The following MEI4 variants were observed in gnomAD, a reference collection of about 807,000 sequenced individuals.
The protein encoded by MEI4 is meiotic double-stranded break formation protein 4.
In MEI4, 27 loss-of-function variants were observed where a neutral mutation model predicts 31.4. That is an observed-to-expected ratio of 0.86 (90% CI 0.63 to 1.19). The LOEUF is 1.19. Among genes scored for constraint, MEI4 ranks in the 50% most tolerant of loss-of-function variants. The pLI, the probability that MEI4 is intolerant of heterozygous loss-of-function variation, is 0.00. For synonymous variants in MEI4, 122 were observed against 145.4 expected, an observed-to-expected ratio of 0.84 and a Z score of 1.16; for missense variants, 329 against 398.9, an observed-to-expected ratio of 0.82 and a Z score of 1.49.
rs114328354 is a variant in MEI4, at chr6:77,836,962, T to C, written c.900+7900T>C. Among the ~76,000 whole-genome samples the C allele has an allele frequency of 9.6e-3, 1,458 of 152,254 alleles. 18 individuals are homozygous for C. Among genetic ancestry groups the C allele is most frequent in the African/African-American group, 0.033 (1,357 of 41,576 alleles). On this transcript the variant is annotated intron_variant, in intron 4 of 4. Transcript: ENST00000684080. ...AAATTCTGGATAATGAGCCCTGTTT[T>C]ATCAGATTTGGCCAGTTTTCTTCAT...
intron 1 of MEI4, among the ~76,000 whole-genome samples, chr6:77,679,889 C>T (rs1425661401): frequency 6.6e-6 from 1 of 151,022 alleles, no homozygotes; most frequent in East Asian, 2.0e-4. Context: ...TACAGGTATG[C>T]GCCACCATGG....
intron 4 of MEI4, among the ~76,000 whole-genome samples, chr6:77,888,347 C>A (rs1306490739): frequency 1.2e-5 from 1 of 84,910 alleles, no homozygotes. Context: ...TTTTTTTTTT[C>A]TCTCTTACTG....
chr6:77,745,490 T>A lies in MEI4; in HGVS notation c.233-15640T>A, dbSNP rs990040233. On this transcript the variant is annotated intron_variant, in intron 2 of 4. Transcript: ENST00000684080. ...TAAAGCAAGTCTTGAGTAACCTACATAGAGACTTAGACTCCCACACATTAA... is the reference window on the plus strand; with the variant it reads ...TAAAGCAAGTCTTGAGTAACCTACAAAGAGACTTAGACTCCCACACATTAA... 3.9e-5 allele frequency among the ~76,000 whole-genome samples: 6 copies of A among 152,086 alleles called. No homozygotes were observed. In the East Asian group the frequency reaches 5.8e-4, roughly 15 times the overall value.
chr6:77,900,280 G>T (rs1359717906), intron 4 of MEI4, among the ~76,000 whole-genome samples: 1 of 151,962 alleles, frequency 6.6e-6, no homozygotes, highest in East Asian at 1.9e-4. Flanking sequence ...ACAGTAGGGA[G>T]ATTCCTCAAA....
intron 2 of MEI4, among the ~76,000 whole-genome samples, chr6:77,734,202 G>C (rs983563360): frequency 2.0e-5 from 3 of 151,958 alleles, no homozygotes; most frequent in Admixed American, 6.6e-5. Context: ...TCTGTCTCAT[G>C]ATCTGTCTAA....
At chr6:77,897,379 T>C (rs1766103121) in intron 4 of MEI4, among the ~76,000 whole-genome samples, 1 of 152,002 alleles carries the variant, frequency 6.6e-6, no homozygotes, top group Admixed American at 6.6e-5. Flanking sequence ...TGTAGGCCTT[T>C]TCTTCAGTTT....
At chr6:77,754,449 C>G (rs1767862561) in intron 2 of MEI4, among the ~76,000 whole-genome samples, 1 of 152,160 alleles carries the variant, frequency 6.6e-6, no homozygotes, top group Non-Finnish European at 1.5e-5. Context: ...TCACTATCAG[C>G]ATTTTGGTCA....
At chr6:77,859,291 A>G (rs981340336) in intron 4 of MEI4, among the ~76,000 whole-genome samples, 3 of 152,080 alleles carry the variant, frequency 2.0e-5, no homozygotes, top group African/African-American at 7.2e-5. Context: ...GGTTGGTTCT[A>G]TATCTTTGCT....
chr6:77,697,381 C>T (rs1461692563), intron 2 of MEI4, among the ~76,000 whole-genome samples: 2 of 151,978 alleles, frequency 1.3e-5, no homozygotes, highest in African/African-American at 4.8e-5. Context: ...TTGGATCTTT[C>T]CTGCTTTCTC....
chr6:77,827,185 C>G (rs947237397), intron 3 of MEI4, among the ~76,000 whole-genome samples: 2 of 151,626 alleles, frequency 1.3e-5, no homozygotes, highest in African/African-American at 4.8e-5. Context: ...ACGGTGAAAC[C>G]CTGTCTCTAC....
At chr6:77,775,855 A>G (rs1288492258) in intron 3 of MEI4, among the ~76,000 whole-genome samples, 1 of 152,072 alleles carries the variant, frequency 6.6e-6, no homozygotes, top group Non-Finnish European at 1.5e-5. Flanking sequence ...CCATGCCAAC[A>G]TCTATTATTT....
At chr6:77,686,281 G>C (rs1373204965) in intron 1 of MEI4, among the ~76,000 whole-genome samples, 3 of 152,130 alleles carry the variant, frequency 2.0e-5, no homozygotes, top group Non-Finnish European at 4.4e-5. Context: ...ATATAGAAAA[G>C]TATAAGTAAG....
chr6:77,912,513 C>A (rs1766455612), intron 4 of MEI4, among the ~76,000 whole-genome samples: 1 of 151,910 alleles, frequency 6.6e-6, no homozygotes, highest in Admixed American at 6.6e-5. Flanking sequence ...CTGTAGTTGT[C>A]CTTGTAAAGG....
At chr6:77,852,145 C>G (rs1003962247) in intron 4 of MEI4, among the ~76,000 whole-genome samples, 1 of 152,156 alleles carries the variant, frequency 6.6e-6, no homozygotes, top group Non-Finnish European at 1.5e-5. Flanking sequence ...TTAAATGTCC[C>G]TCTCTTAGCT....
intron 2 of MEI4, among the ~76,000 whole-genome samples, chr6:77,733,538 C>T (rs1184276154): frequency 3.9e-5 from 6 of 151,980 alleles, no homozygotes; most frequent in Non-Finnish European, 8.8e-5. Flanking sequence ...ATTAGTCTTG[C>T]TAGCGGTTTA....
intron 2 of MEI4, among the ~76,000 whole-genome samples, chr6:77,750,085 T>C (rs190076124): frequency 1.4e-3 from 206 of 152,246 alleles, no homozygotes; most frequent in Non-Finnish European, 2.3e-3. Context: ...ATTTTTGTCA[T>C]CACCAAGCCT....
At chr6:77,828,349 C>T (rs189266899) in intron 3 of MEI4, among the ~76,000 whole-genome samples, 1 of 151,902 alleles carries the variant, frequency 6.6e-6, no homozygotes, top group East Asian at 2.0e-4. Flanking sequence ...CTGAGCTTCC[C>T]CTCCTGTCAG....
At chr6:77,850,680 A>G (rs540616981) in intron 4 of MEI4, among the ~76,000 whole-genome samples, 1 of 152,328 alleles carries the variant, frequency 6.6e-6, no homozygotes, top group South Asian at 2.1e-4. Flanking sequence ...AACCATAAAA[A>G]CACTAGAAGA....
intron 4 of MEI4, among the ~76,000 whole-genome samples, chr6:77,920,832 G>A (rs1024165532): frequency 6.6e-6 from 1 of 151,826 alleles, no homozygotes; most frequent in Non-Finnish European, 1.5e-5. Flanking sequence ...TCTTTTGAAA[G>A]GAATCTTTTC....
Sources: gnomAD v4.1 joint callset for allele counts (sites outside exome capture counted in the v4.1 genomes callset) on GRCh38, gnomAD v4.1.1 for gene constraint, MANE v1.5 for transcripts, NCBI Gene and HGNC (gene_info 2026-07-23, HGNC 2026-07-21) for gene names.